The following DPP10 variants were observed in gnomAD, a reference collection of about 807,000 sequenced individuals.
The protein encoded by DPP10 is dipeptidyl peptidase like 10.
DPP10 carries 33 observed loss-of-function variants against 120.9 expected under a neutral mutation model. The observed-to-expected ratio is 0.27, with a 90% CI of 0.21 to 0.37. DPP10 has a LOEUF of 0.37. Among genes scored for constraint, DPP10 ranks in the 10% least tolerant of loss-of-function variants. The pLI is 1.00. For synonymous variants in DPP10, 337 were observed against 326.1 expected, an observed-to-expected ratio of 1.03 and a Z score of -0.36; for missense variants, 816 against 942.8, an observed-to-expected ratio of 0.87 and a Z score of 1.76.
intron 1 of DPP10, among the ~76,000 whole-genome samples, chr2:115,200,206 C>G: frequency 6.6e-6 from 1 of 152,214 alleles, no homozygotes; most frequent in East Asian, 1.9e-4. Flanking sequence ...ACAGATGGTT[C>G]GGTTGGGCGT....
intron 5 of DPP10, among the ~76,000 whole-genome samples, chr2:115,625,943 A>G: frequency 6.6e-6 from 1 of 151,890 alleles, no homozygotes; most frequent in Non-Finnish European, 1.5e-5. Context: ...ATAAGAATGT[A>G]TGATATTTTT....
intron 1 of DPP10, among the ~76,000 whole-genome samples, chr2:114,740,317 T>G: frequency 7.8e-6 from 1 of 127,882 alleles, no homozygotes; most frequent in Non-Finnish European, 1.6e-5. Flanking sequence ...TGAGAACACA[T>G]GGACACAGGA....
chr2:114,672,013 T>A (rs1429648976), intron 1 of DPP10, among the ~76,000 whole-genome samples: 1 of 152,132 alleles, frequency 6.6e-6, no homozygotes, highest in Admixed American at 6.6e-5. Context: ...ATACTTGTAA[T>A]TTTTTTCTTC....
chr2:115,414,221 C>G (rs573208946), intron 3 of DPP10, among the ~76,000 whole-genome samples: 1 of 151,980 alleles, frequency 6.6e-6, no homozygotes, highest in South Asian at 2.1e-4. Context: ...TAATTTTGTC[C>G]CACTCTATTA....
chr2:115,345,722 G>T (rs966990258), intron 3 of DPP10, among the ~76,000 whole-genome samples: 9 of 152,068 alleles, frequency 5.9e-5, no homozygotes, highest in Non-Finnish European at 8.8e-5. Context: ...TTGAAGCTCC[G>T]AAGGACAGGA....
intron 1 of DPP10, among the ~76,000 whole-genome samples, chr2:114,601,206 G>A (rs2105227114): frequency 6.6e-6 from 1 of 151,908 alleles, no homozygotes; most frequent in South Asian, 2.1e-4. Context: ...GCACATCCAT[G>A]GTTCTTCATC....
intron 1 of DPP10, among the ~76,000 whole-genome samples, chr2:114,711,131 A>G (rs937846148): frequency 2.6e-5 from 4 of 152,204 alleles, no homozygotes; most frequent in Non-Finnish European, 4.4e-5. Context: ...ATGATCATCA[A>G]TTCATTTACC....
At chr2:115,423,194 G>C (rs1158613268) in intron 3 of DPP10, among the ~76,000 whole-genome samples, 4 of 151,922 alleles carry the variant, frequency 2.6e-5, no homozygotes, top group Admixed American at 2.6e-4. Context: ...TTTTCATCAT[G>C]TAACGAATAT....
intron 1 of DPP10, among the ~76,000 whole-genome samples, chr2:114,547,256 C>T (rs1687489393): frequency 1.3e-5 from 2 of 152,230 alleles, no homozygotes; most frequent in Admixed American, 1.3e-4. Context: ...CCTCCTGCTA[C>T]TTCCACCCCT....
At chr2:115,492,018 A>G (rs1237322176) in intron 3 of DPP10, among the ~76,000 whole-genome samples, 1 of 152,184 alleles carries the variant, frequency 6.6e-6, no homozygotes, top group Non-Finnish European at 1.5e-5. Flanking sequence ...TAGTCAAGGC[A>G]GATATCTTCA....
At chr2:115,305,755 AT>A (rs1007001720) in intron 1 of DPP10, among the ~76,000 whole-genome samples, 71 of 152,020 alleles carry the variant, frequency 4.7e-4, no homozygotes, top group African/African-American at 1.3e-3. Flanking sequence ...ATTTTTTTAA[AT>A]TAAAAAAAAA....
chr2:115,822,868 A>G (rs779508706), intron 21 of DPP10, among the ~76,000 whole-genome samples: 2 of 151,956 alleles, frequency 1.3e-5, no homozygotes, highest in African/African-American at 2.4e-5. Flanking sequence ...ACTTGCTTCT[A>G]TAGTCCAATA....
intron 1 of DPP10, among the ~76,000 whole-genome samples, chr2:114,508,967 C>T (rs1470353633): frequency 6.6e-6 from 1 of 151,454 alleles, no homozygotes; most frequent in African/African-American, 2.4e-5. Flanking sequence ...AGTCGAATAC[C>T]AAGACAACCG....
chr2:115,722,244 C>G (rs4849422), intron 7 of DPP10, among the ~76,000 whole-genome samples: 2 of 151,892 alleles, frequency 1.3e-5, no homozygotes, highest in African/African-American at 4.8e-5. Context: ...GGTAGATTTC[C>G]TGTTGTGTTC....
At chr2:114,731,145 G>A (rs1033539771) in intron 1 of DPP10, among the ~76,000 whole-genome samples, 2 of 151,300 alleles carry the variant, frequency 1.3e-5, no homozygotes, top group South Asian at 4.2e-4. Context: ...TCACAGCCTC[G>A]TTACTCCTGG....
chr2:114,629,088 C>T (rs1451569738), intron 1 of DPP10, among the ~76,000 whole-genome samples: 5 of 152,074 alleles, frequency 3.3e-5, no homozygotes, highest in African/African-American at 1.2e-4. Context: ...AATAGTTCCT[C>T]AGGTGTTTGG....
intron 4 of DPP10, among the ~76,000 whole-genome samples, chr2:115,508,122 G>A (rs1318827793): frequency 1.3e-5 from 2 of 152,050 alleles, no homozygotes; most frequent in African/African-American, 4.8e-5. Flanking sequence ...TGTTTTCTGT[G>A]TATAACAGTA....
intron 3 of DPP10, among the ~76,000 whole-genome samples, chr2:115,435,516 G>A (rs540309205): frequency 6.6e-6 from 1 of 151,484 alleles, no homozygotes; most frequent in South Asian, 2.1e-4. Flanking sequence ...TGTCTGTTCG[G>A]GTCCTTTGCC....
chr2:115,717,061 G>A (rs1184828421), intron 7 of DPP10, among the ~76,000 whole-genome samples: 2 of 152,228 alleles, frequency 1.3e-5, no homozygotes, highest in African/African-American at 4.8e-5. Context: ...AAATGCATAT[G>A]CAGGATCCCT....
Sources: gnomAD v4.1 joint callset for allele counts (sites outside exome capture counted in the v4.1 genomes callset) on GRCh38, gnomAD v4.1.1 for gene constraint, MANE v1.5 for transcripts, NCBI Gene and HGNC (gene_info 2026-07-23, HGNC 2026-07-21) for gene names.